Variants in ADH5 observed in about 807,000 individuals in gnomAD.
ADH5 encodes alcohol dehydrogenase 5 (class III), chi polypeptide.
ADH5 carries 32 observed loss-of-function variants against 40.3 expected under a neutral mutation model. That is an observed-to-expected ratio of 0.79 (90% confidence interval 0.60 to 1.07). The LOEUF is 1.07. Ranked by LOEUF, ADH5 falls within the 50% of genes least tolerant of loss-of-function variation. The pLI is 0.00. For missense variants in ADH5, 353 were observed against 460.5 expected (o/e 0.77, Z 2.14); for synonymous variants, 125 against 154.3 (o/e 0.81, Z 1.41).
At position 99,072,383 on chromosome 4, in the gene ADH5, C is replaced by G. The variant is rs747080872; in HGVS notation, c.*34G>C. ...GCCTGTTAAGCTGCTCCTATCACAT[C>G]ACGACAGGATGGACATTATTTTTCT... is the stretch of plus-strand genomic sequence containing the variant. On this transcript the variant is annotated 3_prime_UTR_variant, in exon 9 of 9. Transcript: ENST00000296412. 2.5e-6 allele frequency: 4 copies of G among 1,608,596 alleles called. No homozygotes were observed. In the African/African-American group the frequency reaches 5.4e-5, roughly 22 times the overall value.
chr4:99,077,671 C>A (rs746406652), intron 4 of ADH5, among the ~76,000 whole-genome samples: 22 of 152,190 alleles, frequency 1.4e-4, no homozygotes, highest in Non-Finnish European at 2.9e-4. Flanking sequence ...TGAAGTGTAA[C>A]TAACAGTCCT....
Position 99,082,684 on chromosome 4 carries a change from AT to A in ADH5, c.115-569del, listed in dbSNP as rs200729151. ...CTCTCTGGCTTTCAAGTAACTTATT[AT>A]TTTTTTTTGGGACAAGAGTCTCGCT... On this transcript the variant is annotated intron_variant, in intron 2 of 8. Transcript: ENST00000296412. Among the ~76,000 whole-genome samples, 491 of 151,246 alleles carry A rather than the reference AT, an allele frequency of 3.2e-3. 1 individual carries two copies. The highest frequency in any genetic ancestry group is 0.01 in the African/African-American group (426 of 41,330).
Position 99,076,929 on chromosome 4 carries a change from GA to G in ADH5, c.345-7del, listed in dbSNP as rs753510568. 57 of 1,531,800 alleles carry G rather than the reference GA, an allele frequency of 3.7e-5. No individual in the cohort carries two copies. Among genetic ancestry groups the G allele is most frequent in the Admixed American group, 1.0e-4 (5 of 49,182 alleles). 94.9% of individuals were successfully genotyped at this position (1,531,800 alleles called of 1,614,324 possible). On this transcript the variant is annotated splice_region_variant and splice_polypyrimidine_tract_variant and intron_variant, in intron 4 of 8. Coordinates refer to ENST00000296412, the MANE Select transcript of ADH5 (RefSeq NM_000671.4). ...ATCCTTTCCCTTGAGTGACTCTAAAGAAAAAAAAAGGAAAAAGGCAAGTTGG... is the reference window on the plus strand; with the variant it reads ...ATCCTTTCCCTTGAGTGACTCTAAAGAAAAAAAAGGAAAAAGGCAAGTTGG...
chr4:99,074,298 C>T (rs1337100517), intron 7 of ADH5, among the ~76,000 whole-genome samples: 1 of 152,144 alleles, frequency 6.6e-6, no homozygotes, highest in Non-Finnish European at 1.5e-5. Context: ...TCTTTTCTCT[C>T]CTCTGGCTGA....
Position 99,088,777 on chromosome 4 carries a change from G to T in ADH5, c.-77C>A. On this transcript the variant is annotated 5_prime_UTR_variant, in exon 1 of 9. Coordinates refer to ENST00000296412, the MANE Select transcript of ADH5 (RefSeq NM_000671.4). ...AGCGACGGAGGCATGGGCGTGGCGA[G>T]CGCCTAGCGAGGGGGGCGGGGCGTG... 2.1e-6 allele frequency: 2 copies of T among 956,476 alleles called. No homozygotes were observed. The highest frequency in any genetic ancestry group is 2.9e-6 in the Non-Finnish European group (2 of 686,480). The allele number at this position is 956,476 out of a possible 1,614,324, so 59.2% of individuals were successfully genotyped here.
chr4:99,088,559 C>T, intron 1 of ADH5, 130 bp downstream of exon 1: 1 of 946,828 alleles, frequency 1.1e-6, no homozygotes, highest in Non-Finnish European at 1.5e-6. Context: ...CGCTGGGGGC[C>T]CAGTTTCAGA....
intron 2 of ADH5, among the ~76,000 whole-genome samples, chr4:99,083,951 G>A (rs994093639): frequency 1.3e-5 from 2 of 152,260 alleles, no homozygotes; most frequent in Middle Eastern, 3.4e-3. Context: ...TCTGCCACCA[G>A]AGGTTGAGAA....
chr4:99,083,500 C>T (rs1154411), intron 2 of ADH5, among the ~76,000 whole-genome samples: 118,372 of 150,686 alleles, frequency 0.79, 47,139 homozygotes, highest in East Asian at 0.99. Context: ...CTAGGGAGGC[C>T]GAAGCAGGAG....
intron 5 of ADH5, 52 bp downstream of exon 5, chr4:99,076,652 T>C (rs1355769250): frequency 4.4e-6 from 7 of 1,598,972 alleles, no homozygotes; most frequent in Non-Finnish European, 6.0e-6. Context: ...CAGGAAAGTT[T>C]CACTGAATTA....
chr4:99,088,602 C>G, intron 1 of ADH5, 87 bp downstream of exon 1: 1 of 1,375,836 alleles, frequency 7.3e-7, no homozygotes, highest in Non-Finnish European at 9.7e-7. Flanking sequence ...GGGCGCCGAG[C>G]CTCGCGCGCC....
chr4:99,074,808 T>C, intron 7 of ADH5, 106 bp downstream of exon 7: 1 of 1,288,382 alleles, frequency 7.8e-7, no homozygotes. Context: ...GAGAAGGAAC[T>C]CATGAAGATT....
chr4:99,085,456 C>A (rs1431718248), intron 1 of ADH5: 7 of 369,848 alleles, frequency 1.9e-5, no homozygotes, highest in Middle Eastern at 3.3e-4. Context: ...AAGTTGTACT[C>A]ATCAAATATT....
At chr4:99,076,125 T>C (rs1727923305) in intron 6 of ADH5, 167 bp downstream of exon 6, 2 of 661,826 alleles carry the variant, frequency 3.0e-6, no homozygotes, top group South Asian at 2.0e-5. Context: ...TGAGCTGTTC[T>C]TGTATCATTT....
At chr4:99,081,580 C>T (rs903394412) in intron 3 of ADH5, 128 bp from the exon 4 acceptor site, 2 of 665,896 alleles carry the variant, frequency 3.0e-6, no homozygotes, top group East Asian at 2.7e-5. Flanking sequence ...TAGAACTTTA[C>T]CTAGGTAACA....
intron 4 of ADH5, among the ~76,000 whole-genome samples, chr4:99,079,308 G>C (rs1727983002): frequency 6.6e-6 from 1 of 152,168 alleles, no homozygotes; most frequent in Non-Finnish European, 1.5e-5. Context: ...GATTAAGACA[G>C]AGCAACAAGA....
intron 1 of ADH5, 33 bp downstream of exon 1, chr4:99,088,656 T>C (rs1728199411): frequency 6.2e-7 from 1 of 1,602,390 alleles, no homozygotes; most frequent in African/African-American, 1.3e-5. Context: ...CTCCCTCCCT[T>C]GGACTCAGGG....
intron 2 of ADH5, among the ~76,000 whole-genome samples, chr4:99,083,692 C>T (rs1026285866): frequency 2.6e-5 from 4 of 151,344 alleles, no homozygotes; most frequent in Non-Finnish European, 5.9e-5. Flanking sequence ...GGAGCATGAG[C>T]CAGTATGTGT....
rs1180728552 is a variant in ADH5, at chr4:99,072,030, T to C, written c.*387A>G. ...ACTGAGACCCTTAAAAGTTCAACGT[T>C]ATGTTTCTGAGGTTTCAGACACCCA... On this transcript the variant is annotated 3_prime_UTR_variant, in exon 9 of 9. Coordinates refer to ENST00000296412, the MANE Select transcript of ADH5 (RefSeq NM_000671.4). 1 of 186,454 alleles carries C rather than the reference T, an allele frequency of 5.4e-6. No individual in the cohort carries two copies. Among genetic ancestry groups the C allele is most frequent in the African/African-American group, 2.4e-5 (1 of 42,504 alleles). The allele number at this position is 186,454 out of a possible 1,614,324, so 11.5% of individuals were successfully genotyped here. A position where few individuals can be genotyped will look rare whatever the true frequency, so the allele number is the denominator to read the frequency against.
At chr4:99,083,812 T>A (rs1728075337) in intron 2 of ADH5, among the ~76,000 whole-genome samples, 1 of 151,998 alleles carries the variant, frequency 6.6e-6, no homozygotes, top group Non-Finnish European at 1.5e-5. Context: ...AAGCACTAAT[T>A]TTATATCAAA....
Sources: allele counts gnomAD v4.1 joint callset (sites outside exome capture counted in the v4.1 genomes callset), GRCh38; gene constraint gnomAD v4.1.1; transcripts MANE v1.5; gene names NCBI Gene and HGNC (gene_info 2026-07-23, HGNC 2026-07-21).